The following ZFPM2 variants were observed in gnomAD, a reference collection of about 807,000 sequenced individuals.
ZFPM2 encodes zinc finger protein ZFPM2.
ZFPM2 carries 20 observed loss-of-function variants against 98.6 expected under a neutral mutation model. The observed-to-expected ratio is 0.20, with a 90% confidence interval of 0.14 to 0.29. The LOEUF (loss-of-function observed/expected upper bound fraction) is 0.29, where lower values mean the gene tolerates loss of function less well. Ranked by LOEUF, ZFPM2 falls within the 10% of genes least tolerant of loss-of-function variation. ZFPM2 has a pLI of 1.00. For missense variants in ZFPM2, 1,310 were observed against 1,388.6 expected (o/e 0.94, Z 0.90); for synonymous variants, 518 against 502.7 (o/e 1.03, Z -0.41).
chr8:105,398,126 A>G (rs1020592437), intron 1 of ZFPM2, among the ~76,000 whole-genome samples: 2 of 152,216 alleles, frequency 1.3e-5, no homozygotes, highest in Non-Finnish European at 2.9e-5. Flanking sequence ...AGGAGCTCAT[A>G]AACTTTACTT....
Position 105,576,479 on chromosome 8 carries a change from G to A in ZFPM2, c.420+14998G>A, listed in dbSNP as rs916260866. Among the ~76,000 whole-genome samples, 3 of 152,224 alleles carry A rather than the reference G, an allele frequency of 2.0e-5. No homozygotes were observed. The East Asian group carries it at 5.8e-4, about 29-fold the overall frequency. On this transcript the variant is annotated intron_variant, in intron 4 of 7. Coordinates refer to ENST00000407775, the MANE Select transcript of ZFPM2 (RefSeq NM_012082.4). ...CCACTGCTGAGACCTGATTGGTAGA[G>A]GGCAACTCCACCTTCAGATTTAACG...
intron 3 of ZFPM2, among the ~76,000 whole-genome samples, chr8:105,491,149 A>G (rs1229984000): frequency 6.6e-6 from 1 of 152,150 alleles, no homozygotes; most frequent in Non-Finnish European, 1.5e-5. Flanking sequence ...TCTGAAGACC[A>G]TTTCAACCAA....
At chr8:105,685,375 T>G (rs1810707699) in intron 5 of ZFPM2, among the ~76,000 whole-genome samples, 1 of 151,990 alleles carries the variant, frequency 6.6e-6, no homozygotes, top group Admixed American at 6.6e-5. Context: ...ATGCAGAAAA[T>G]AAAACCAGCA....
rs1276906983 is a variant in ZFPM2, at chr8:105,453,626, TTTTTGTTTTG to T, written c.301+9260_301+9269del. On this transcript the variant is annotated intron_variant, in intron 3 of 7. Transcript: ENST00000407775. ...TTCTAAATTTTTTTTTCTGGAGTTT[TTTTTGTTTTG>T]TTTTGTTTTGTTTTTTTCTTTTTGA... is the stretch of plus-strand genomic sequence containing the variant. 1.5e-3 allele frequency among the ~76,000 whole-genome samples: 233 copies of T among 152,052 alleles called. 2 individuals carry two copies. Among genetic ancestry groups the T allele is most frequent in the Non-Finnish European group, 8.5e-4 (58 of 67,948 alleles).
chr8:105,591,417 T>C (rs1255195447), intron 4 of ZFPM2, among the ~76,000 whole-genome samples: 2 of 152,296 alleles, frequency 1.3e-5, no homozygotes, highest in Admixed American at 1.3e-4. Context: ...AAAACACTTC[T>C]TCATTCTTAT....
chr8:105,516,789 T>G (rs1196063097), intron 3 of ZFPM2, among the ~76,000 whole-genome samples: 2 of 152,222 alleles, frequency 1.3e-5, no homozygotes, highest in Non-Finnish European at 2.9e-5. Flanking sequence ...AAAAGCAGAC[T>G]GTGTGTCCAG....
At chr8:105,747,125 C>A (rs1255929523) in intron 5 of ZFPM2, among the ~76,000 whole-genome samples, 4 of 151,930 alleles carry the variant, frequency 2.6e-5, no homozygotes, top group Non-Finnish European at 5.9e-5. Context: ...TTTTGCAATA[C>A]TAATAAAAAC....
rs575548144 is a variant in ZFPM2, at chr8:105,738,269, G to A, written c.533-50449G>A. Among the ~76,000 whole-genome samples, 18 of 152,160 alleles carry A rather than the reference G, an allele frequency of 1.2e-4. No homozygotes were observed. In the South Asian group the frequency reaches 3.7e-3, roughly 32 times the overall value. Reference sequence around the variant, plus strand: ...TCCTACTTATAAGTGAGAGCATGAGGTATTTGGTTTTCTGTTCCTGTGTTA... The same window carrying A: ...TCCTACTTATAAGTGAGAGCATGAGATATTTGGTTTTCTGTTCCTGTGTTA... On this transcript the variant is annotated intron_variant, in intron 5 of 7. Coordinates refer to ENST00000407775, the MANE Select transcript of ZFPM2 (RefSeq NM_012082.4).
At position 105,733,860 on chromosome 8, in the gene ZFPM2, G is replaced by A. The variant is rs375661236; in HGVS notation, c.533-54858G>A. Among the ~76,000 whole-genome samples, 24 of 151,918 alleles carry A rather than the reference G, an allele frequency of 1.6e-4. No individual in the cohort carries two copies. In the East Asian group the frequency reaches 4.5e-3, roughly 28 times the overall value. ...ATTTAAAGCATTTGATTCAGATTCT[G>A]TTGTCTTACATTGTAAAGAAAATAC... On this transcript the variant is annotated intron_variant, in intron 5 of 7. Coordinates refer to ENST00000407775, the MANE Select transcript of ZFPM2 (RefSeq NM_012082.4).
In ZFPM2 at chr8:105,802,246, G is replaced by A. The variant is rs1211529409; in HGVS notation, c.2164G>A (p.Ala722Thr). The part of the protein sequence containing the change: ...TRHDPPLKRS[A>T]SNKVPAMQRT... Reference sequence around the variant, plus strand: ...CCACGACCCTCCACTGAAGAGGTCTGCTTCCAACAAAGTGCCTGCCATGCA... The same window carrying A: ...CCACGACCCTCCACTGAAGAGGTCTACTTCCAACAAAGTGCCTGCCATGCA... Residue 722 changes from alanine to threonine, a missense_variant, in exon 8 of 8, where the codon GCT (alanine) becomes ACT (threonine). Coordinates refer to ENST00000407775, the MANE Select transcript of ZFPM2 (RefSeq NM_012082.4). 7 of 1,613,876 alleles carry A rather than the reference G, an allele frequency of 4.3e-6. No homozygotes were observed. The highest frequency in any genetic ancestry group is 1.1e-5 in the South Asian group (1 of 91,072).
intron 3 of ZFPM2, among the ~76,000 whole-genome samples, chr8:105,509,909 TA>T: frequency 6.6e-6 from 1 of 152,314 alleles, no homozygotes; most frequent in South Asian, 2.1e-4. Context: ...AGGACATATT[TA>T]AAATAAAGTA....
intron 5 of ZFPM2, among the ~76,000 whole-genome samples, chr8:105,679,645 A>G (rs1810555185): frequency 6.6e-6 from 1 of 151,938 alleles, no homozygotes; most frequent in Middle Eastern, 3.2e-3. Context: ...AAACAAAACA[A>G]AATTAGCCGA....
At chr8:105,413,523 C>CAT (rs1467864397) in intron 1 of ZFPM2, among the ~76,000 whole-genome samples, 43 of 147,922 alleles carry the variant, frequency 2.9e-4, no homozygotes, top group African/African-American at 7.7e-4. Context: ...CACACACGCA[C>CAT]ATATATATAT....
At chr8:105,454,649 A>G (rs1396370776) in intron 3 of ZFPM2, among the ~76,000 whole-genome samples, 1 of 152,222 alleles carries the variant, frequency 6.6e-6, no homozygotes, top group Non-Finnish European at 1.5e-5. Flanking sequence ...AGGATTTGCA[A>G]AATGCTGGTT....
chr8:105,684,415 A>T (rs1586196468), intron 5 of ZFPM2, among the ~76,000 whole-genome samples: 1 of 152,040 alleles, frequency 6.6e-6, no homozygotes, highest in Non-Finnish European at 1.5e-5. Context: ...ATTGGGTGGG[A>T]TATTTTTGTA....
chr8:105,450,797 A>G (rs1052457888), intron 3 of ZFPM2, among the ~76,000 whole-genome samples: 8 of 152,144 alleles, frequency 5.3e-5, no homozygotes, highest in Admixed American at 2.0e-4. Context: ...TGAGCCCTTT[A>G]TGAAACAAGA....
At chr8:105,703,514 TG>T (rs1222887884) in intron 5 of ZFPM2, among the ~76,000 whole-genome samples, 1 of 152,134 alleles carries the variant, frequency 6.6e-6, no homozygotes, top group African/African-American at 2.4e-5. Context: ...GTTGTTGTTT[TG>T]TTTTTTTTAA....
rs1812157185 is a variant in ZFPM2, at chr8:105,739,209, G to GA, written c.533-49503dup. Among the ~76,000 whole-genome samples, 3 of 151,852 alleles carry GA rather than the reference G, an allele frequency of 2.0e-5. No individual in the cohort carries two copies. In the South Asian group the frequency reaches 6.2e-4, roughly 31 times the overall value. ...GTTCTCTGACCTTAGTTTAATTAAAGAAAAAAGGAAATACTTTATATTTAA... is the reference window on the plus strand; with the variant it reads ...GTTCTCTGACCTTAGTTTAATTAAAGAAAAAAAGGAAATACTTTATATTTAA... On this transcript the variant is annotated intron_variant, in intron 5 of 7. Coordinates refer to ENST00000407775, the MANE Select transcript of ZFPM2 (RefSeq NM_012082.4).
intron 3 of ZFPM2, among the ~76,000 whole-genome samples, chr8:105,542,149 ATTAAT>A (rs1814587832): frequency 6.6e-6 from 1 of 152,104 alleles, no homozygotes; most frequent in South Asian, 2.1e-4. Flanking sequence ...TAGCTTTGTA[ATTAAT>A]TTATTGATTG....
Sources: gnomAD v4.1 joint callset for allele counts (sites outside exome capture counted in the v4.1 genomes callset) on GRCh38, gnomAD v4.1.1 for gene constraint, MANE v1.5 for transcripts, NCBI Gene and HGNC (gene_info 2026-07-23, HGNC 2026-07-21) for gene names.